The following GADL1 variants were observed in gnomAD, a reference collection of about 807,000 sequenced individuals.
The protein encoded by GADL1 is GAD like acidic amino acid decarboxylase 1, also known as acidic amino acid decarboxylase GADL1.
A neutral mutation model predicts 69.5 loss-of-function variants in GADL1; 71 were observed. That is an observed-to-expected ratio of 1.02 (90% confidence interval 0.84 to 1.25). The LOEUF (loss-of-function observed/expected upper bound fraction) is 1.25, where lower values mean the gene tolerates loss of function less well. Ranked by LOEUF, GADL1 falls within the 50% of genes most tolerant of loss-of-function variation. The probability of loss-of-function intolerance (pLI) is 0.00; values close to 1 mark genes in which losing one functional copy is unlikely to be tolerated. For synonymous variants in GADL1, 254 were observed against 214.4 expected (o/e 1.18, Z -1.62); for missense variants, 737 against 631.8 (o/e 1.17, Z -1.79).
At chr3:30,786,462 C>A (rs1034550113) in intron 12 of GADL1, 56 bp from the exon 13 acceptor site, 4 of 919,736 alleles carry the variant, frequency 4.3e-6, no homozygotes, top group Non-Finnish European at 7.2e-6. Context: ...GTGTCATGAA[C>A]ATGACTGATA....
chr3:30,780,362 C>G (rs1696637265), intron 13 of GADL1, among the ~76,000 whole-genome samples: 1 of 152,164 alleles, frequency 6.6e-6, no homozygotes. Flanking sequence ...AGGTCTAGAC[C>G]TCAGTCCTGG....
chr3:30,833,713 A>AG, intron 11 of GADL1, 140 bp downstream of exon 11: 1 of 634,128 alleles, frequency 1.6e-6, no homozygotes, highest in Non-Finnish European at 2.9e-6. Flanking sequence ...TCTTTCATGT[A>AG]GAGACCATCA....
At chr3:30,747,048 A>T (rs1695717672) in intron 14 of GADL1, among the ~76,000 whole-genome samples, 1 of 152,126 alleles carries the variant, frequency 6.6e-6, no homozygotes, top group African/African-American at 2.4e-5. Context: ...ACATATAGGG[A>T]TGTCTCTGCA....
intron 11 of GADL1, among the ~76,000 whole-genome samples, chr3:30,825,781 G>T (rs1304625732): frequency 1.3e-5 from 2 of 151,864 alleles, no homozygotes; most frequent in African/African-American, 2.4e-5. Context: ...CTCAGGTGGG[G>T]AACAAGGGGA....
In GADL1 at chr3:30,763,190, A is replaced by G. The variant is rs145311371; in HGVS notation, c.1392+14989T>C. Among the ~76,000 whole-genome samples, 1,001 of 152,312 alleles carry G rather than the reference A, an allele frequency of 6.6e-3. 11 individuals carry two copies. The highest frequency in any genetic ancestry group is 0.022 in the African/African-American group (931 of 41,572). On this transcript the variant is annotated intron_variant, in intron 14 of 14. Coordinates refer to ENST00000282538, the MANE Select transcript of GADL1 (RefSeq NM_207359.3). ...CAGCTTACAATGGGGTTACATACCC[A>G]TGATCCCATCATAAATTGAAAGTAT... is the stretch of plus-strand genomic sequence containing the variant.
chr3:30,796,606 A>G (rs1478645697), intron 12 of GADL1, among the ~76,000 whole-genome samples: 1 of 152,092 alleles, frequency 6.6e-6, no homozygotes, highest in Admixed American at 6.6e-5. Context: ...TTGAACCCGA[A>G]AGAATATAGA....
Position 30,854,792 on chromosome 3 carries a change from G to T in GADL1, c.338-3C>A. ...TTGGTTGAAAAATCTTGGGTGGTCTGTAAATTTAAAATGGAGTATTCATCT... is the reference window on the plus strand; with the variant it reads ...TTGGTTGAAAAATCTTGGGTGGTCTTTAAATTTAAAATGGAGTATTCATCT... On this transcript the variant is annotated splice_region_variant and splice_polypyrimidine_tract_variant and intron_variant, in intron 3 of 14. Coordinates refer to ENST00000282538, the MANE Select transcript of GADL1 (RefSeq NM_207359.3). 4 of 1,514,076 alleles carry T rather than the reference G, an allele frequency of 2.6e-6. No homozygotes were observed. Among genetic ancestry groups the T allele is most frequent in the Non-Finnish European group, 2.7e-6 (3 of 1,115,438 alleles). The allele number at this position is 1,514,076 out of a possible 1,614,324, so 93.8% of individuals were successfully genotyped here.
rs369961070 is a variant in GADL1 at position 30,818,003 on chromosome 3, G to A, written c.1050+15850C>T. Among the ~76,000 whole-genome samples the A allele has an allele frequency of 3.8e-3, 574 of 152,094 alleles. 8 individuals are homozygous for A. Among genetic ancestry groups the A allele is most frequent in the African/African-American group, 0.013 (530 of 41,486 alleles). ...AGTTTCTGGACTACATTTAAAATTC[G>A]GCAATCTGCTAGTAAATTGCCACAG... On this transcript the variant is annotated intron_variant, in intron 11 of 14. Coordinates refer to ENST00000282538, the MANE Select transcript of GADL1 (RefSeq NM_207359.3).
rs145292015 is a variant in GADL1 at position 30,841,781 on chromosome 3, C to T, written c.786+2429G>A. Among the ~76,000 whole-genome samples the T allele has an allele frequency of 3.9e-5, 6 of 152,134 alleles. No individual in the cohort carries two copies. The East Asian group carries it at 5.8e-4, about 15-fold the overall frequency. ...GAGGGTATTGTGATGGATGGACTGACGATACCAGACCCCACCAATCAATGT... is the reference window on the plus strand; with the variant it reads ...GAGGGTATTGTGATGGATGGACTGATGATACCAGACCCCACCAATCAATGT... On this transcript the variant is annotated intron_variant, in intron 8 of 14. Coordinates refer to ENST00000282538, the MANE Select transcript of GADL1 (RefSeq NM_207359.3).
intron 13 of GADL1, among the ~76,000 whole-genome samples, chr3:30,784,391 C>G (rs1179473578): frequency 1.4e-5 from 2 of 141,868 alleles, no homozygotes; most frequent in Non-Finnish European, 2.9e-5. Context: ...TGAAAGAAAC[C>G]AGGTTGTTCT....
In GADL1 at chr3:30,844,138, C is replaced by T. The variant is rs1252815907; in HGVS notation, c.786+72G>A. 2.6e-6 allele frequency: 3 copies of T among 1,168,406 alleles called. No homozygotes were observed. The African/African-American group carries it at 4.6e-5, about 18-fold the overall frequency. The allele number at this position is 1,168,406 out of a possible 1,614,324, so 72.4% of individuals were successfully genotyped here. On this transcript the variant is annotated intron_variant, in intron 8 of 14. Coordinates refer to ENST00000282538, the MANE Select transcript of GADL1 (RefSeq NM_207359.3). ...TTGCATTCTCTCCTTGCTATTCCCT[C>T]TCTTTCATAAGCGCGCGGGCGTGCG...
intron 14 of GADL1, among the ~76,000 whole-genome samples, chr3:30,755,394 G>C (rs1035910557): frequency 1.8e-4 from 28 of 151,886 alleles, no homozygotes; most frequent in African/African-American, 6.8e-4. Context: ...TTTCTATGTA[G>C]ATATTCTAAT....
intron 6 of GADL1, among the ~76,000 whole-genome samples, chr3:30,847,626 A>G (rs1386702616): frequency 6.6e-6 from 1 of 152,130 alleles, no homozygotes; most frequent in African/African-American, 2.4e-5. Flanking sequence ...GCTGCAAAGT[A>G]GTGTCTTGAC....
At chr3:30,804,148 T>C (rs1034306649) in intron 11 of GADL1, among the ~76,000 whole-genome samples, 1 of 152,198 alleles carries the variant, frequency 6.6e-6, no homozygotes, top group African/African-American at 2.4e-5. Flanking sequence ...TATTTAAAAA[T>C]CTAGTCATAT....
At chr3:30,892,085 A>G (rs1698795252) in intron 1 of GADL1, among the ~76,000 whole-genome samples, 1 of 152,234 alleles carries the variant, frequency 6.6e-6, no homozygotes. Context: ...GAGAAAAAAC[A>G]TTATTTGAGT....
At position 30,726,830 on chromosome 3, in the gene GADL1, T is replaced by A. The variant is rs1695373791; in HGVS notation, c.*1412A>T. The A allele has an allele frequency of 6.6e-6, 1 of 152,428 alleles. No individual in the cohort carries two copies. The highest frequency in any genetic ancestry group is 6.5e-5 in the Admixed American group (1 of 15,270). 9.4% of individuals were successfully genotyped at this position (152,428 alleles called of 1,614,324 possible). The stretch of plus-strand genomic sequence containing the variant: ...GTTAAACAAAACTCTCCTAGAAACC[T>A]AGGACCAGGGTCAGAGATAGAATTA... On this transcript the variant is annotated 3_prime_UTR_variant, in exon 15 of 15. Transcript: ENST00000282538.
Position 30,740,919 on chromosome 3 carries a change from AAAAAAC to A in GADL1, c.1393-12510_1393-12505del, listed in dbSNP as rs1297824312. 8.9e-4 allele frequency among the ~76,000 whole-genome samples: 125 copies of A among 139,854 alleles called. No individual in the cohort carries two copies. In the Middle Eastern group the frequency reaches 0.011, roughly 12 times the overall value. 91.7% of individuals were successfully genotyped at this position (139,854 alleles called of 152,430 possible). A position where few individuals can be genotyped will look rare whatever the true frequency, so the allele number is the denominator to read the frequency against. On this transcript the variant is annotated intron_variant, in intron 14 of 14. Transcript: ENST00000282538. Reference sequence around the variant, plus strand: ...ACAAACATATATATATCTAATATATAAAAAACAAATATATTATATTTGATATATCAA... The same window carrying A: ...ACAAACATATATATATCTAATATATAAAATATATTATATTTGATATATCAA...
At chr3:30,890,337 C>T (rs1698769617) in intron 1 of GADL1, among the ~76,000 whole-genome samples, 1 of 152,022 alleles carries the variant, frequency 6.6e-6, no homozygotes, top group African/African-American at 2.4e-5. Flanking sequence ...GCTGGGGATG[C>T]AGTAAATAGA....
At chr3:30,883,357 T>G (rs1698666788) in intron 1 of GADL1, among the ~76,000 whole-genome samples, 1 of 152,042 alleles carries the variant, frequency 6.6e-6, no homozygotes, top group Non-Finnish European at 1.5e-5. Context: ...ATCTTATTCT[T>G]TTGCATGTGG....
Sources: gnomAD v4.1 joint callset for allele counts (sites outside exome capture counted in the v4.1 genomes callset) on GRCh38, gnomAD v4.1.1 for gene constraint, MANE v1.5 for transcripts, NCBI Gene and HGNC (gene_info 2026-07-23, HGNC 2026-07-21) for gene names.